ATF7IP: variants seen among roughly 807,000 people sequenced by gnomAD.
ATF7IP encodes activating transcription factor 7 interacting protein.
A neutral mutation model predicts 106.4 loss-of-function variants in ATF7IP; 23 were observed. The observed-to-expected ratio is 0.22, with a 90% CI of 0.16 to 0.31. ATF7IP has a LOEUF of 0.31. Among genes scored for constraint, ATF7IP ranks in the 10% least tolerant of loss-of-function variants. The pLI, the probability that ATF7IP is intolerant of heterozygous loss-of-function variation, is 1.00. For missense variants in ATF7IP, 1,334 were observed against 1,524.3 expected, an observed-to-expected ratio of 0.88 and a Z score of 2.08; for synonymous variants, 542 against 539.0, an observed-to-expected ratio of 1.01 and a Z score of -0.08.
At chr12:14,402,388 A>G (rs1165806172) in intron 1 of ATF7IP, among the ~76,000 whole-genome samples, 1 of 151,302 alleles carries the variant, frequency 6.6e-6, no homozygotes, top group Non-Finnish European at 1.5e-5. Flanking sequence ...CCAGCTTTCC[A>G]AAGTGTTGGG....
intron 9 of ATF7IP, among the ~76,000 whole-genome samples, chr12:14,465,844 A>G (rs553961149): frequency 6.6e-6 from 1 of 152,174 alleles, no homozygotes; most frequent in Non-Finnish European, 1.5e-5. Context: ...GAAAGAAAGG[A>G]TGGGCTGTTT....
intron 2 of ATF7IP, among the ~76,000 whole-genome samples, chr12:14,427,243 C>T (rs887354831): frequency 6.6e-6 from 1 of 151,954 alleles, no homozygotes; most frequent in Non-Finnish European, 1.5e-5. Flanking sequence ...CCACCTAAGC[C>T]CCCAGAGTAC....
chr12:14,474,389 A>G (rs1184491402), intron 10 of ATF7IP, among the ~76,000 whole-genome samples: 1 of 140,184 alleles, frequency 7.1e-6, no homozygotes, highest in African/African-American at 2.6e-5. Context: ...TTATTATTAT[A>G]TTTAATTCTT....
chr12:14,428,783 C>G (rs760680663), intron 2 of ATF7IP, among the ~76,000 whole-genome samples: 3 of 151,846 alleles, frequency 2.0e-5, no homozygotes, highest in Admixed American at 6.6e-5. Flanking sequence ...TCAGCAGCAA[C>G]AAGAAATAAT....
chr12:14,427,165 C>A (rs1941897505), intron 2 of ATF7IP, among the ~76,000 whole-genome samples: 1 of 151,982 alleles, frequency 6.6e-6, no homozygotes, highest in African/African-American at 2.4e-5. Context: ...CTCTGTTGCC[C>A]AGGCTGGAGT....
At chr12:14,473,304 G>GTGTGTGTA (rs1944131427) in intron 10 of ATF7IP, among the ~76,000 whole-genome samples, 2 of 151,282 alleles carry the variant, frequency 1.3e-5, no homozygotes, top group Non-Finnish European at 3.0e-5. Context: ...GTGTGTGTGT[G>GTGTGTGTA]TGTGTGTGTG....
chr12:14,436,035 A>G, intron 3 of ATF7IP, 71 bp from the exon 4 acceptor site: 1 of 1,459,902 alleles, frequency 6.8e-7, no homozygotes, highest in Non-Finnish European at 9.4e-7. Context: ...TATTTTGCTA[A>G]GGATGGATAA....
At chr12:14,481,430 A>T in intron 13 of ATF7IP, 1 of 526,064 alleles carries the variant, frequency 1.9e-6, no homozygotes. Flanking sequence ...CACACAAAAA[A>T]GGTAAGTATG....
intron 10 of ATF7IP, among the ~76,000 whole-genome samples, chr12:14,472,968 T>C (rs1944109390): frequency 6.6e-6 from 1 of 152,198 alleles, no homozygotes; most frequent in Non-Finnish European, 1.5e-5. Flanking sequence ...TTTTCAGCTT[T>C]TTACTTTCAA....
At chr12:14,480,510 G>A (rs1463045685) in intron 12 of ATF7IP, among the ~76,000 whole-genome samples, 1 of 152,154 alleles carries the variant, frequency 6.6e-6, no homozygotes, top group African/African-American at 2.4e-5. Flanking sequence ...TGGTCAAAGA[G>A]ATAGGTTGGC....
At chr12:14,396,318 T>C (rs1939838781) in intron 1 of ATF7IP, among the ~76,000 whole-genome samples, 1 of 152,164 alleles carries the variant, frequency 6.6e-6, no homozygotes. Context: ...GTTTGGTCAC[T>C]TATTGCTACA....
chr12:14,395,848 A>G (rs1358894688), intron 1 of ATF7IP, among the ~76,000 whole-genome samples: 2 of 151,990 alleles, frequency 1.3e-5, no homozygotes, highest in Non-Finnish European at 2.9e-5. Context: ...GTGATTTTTA[A>G]AAGTCTAAAA....
At chr12:14,414,378 T>A (rs1941084495) in intron 1 of ATF7IP, among the ~76,000 whole-genome samples, 1 of 152,228 alleles carries the variant, frequency 6.6e-6, no homozygotes, top group African/African-American at 2.4e-5. Context: ...AAGCTTGTCC[T>A]GCCGAGGGCC....
At position 14,374,712 on chromosome 12, in the gene ATF7IP, T is replaced by C. The variant is rs1176957889; in HGVS notation, c.-8+8885T>C. The stretch of plus-strand genomic sequence containing the variant: ...ATCTTAGAGCCAGAAAGGAAGGTAG[T>C]GTGTTAGGAGAACTCTTAATAGCTC... On this transcript the variant is annotated intron_variant, in intron 1 of 14. Coordinates refer to ENST00000261168, the MANE Select transcript of ATF7IP (RefSeq NM_018179.5). Among the ~76,000 whole-genome samples the C allele has an allele frequency of 3.9e-5, 6 of 152,186 alleles. No homozygotes were observed. In the South Asian group the frequency reaches 1.0e-3, roughly 26 times the overall value.
At position 14,425,346 on chromosome 12, in the gene ATF7IP, A is replaced by C. The variant is rs1941786410; in HGVS notation, c.1431A>C (p.Ser477=). 2 of 1,613,020 alleles carry C rather than the reference A, an allele frequency of 1.2e-6. No homozygotes were observed. Among genetic ancestry groups the C allele is most frequent in the Non-Finnish European group, 1.7e-6 (2 of 1,179,710 alleles). ...LEEKMESSFG[S]PSKQESSESL... ...AGAAAATGGAAAGTTCTTTTGGTTC[A>C]CCATCTAAACAAGAAAGTAGTGAGA... Residue 477 remains serine, a synonymous_variant, in exon 2 of 15, where the codon TCA becomes TCC. Coordinates refer to ENST00000261168, the MANE Select transcript of ATF7IP (RefSeq NM_018179.5).
intron 1 of ATF7IP, among the ~76,000 whole-genome samples, chr12:14,412,606 G>T (rs1013957441): frequency 6.6e-6 from 1 of 151,988 alleles, no homozygotes; most frequent in East Asian, 1.9e-4. Context: ...TCTTATTATA[G>T]TGAACTTTGT....
chr12:14,467,835 C>T (rs1469531970), intron 10 of ATF7IP, among the ~76,000 whole-genome samples: 1 of 798 alleles, frequency 1.3e-3, no homozygotes, highest in South Asian at 0.05. Flanking sequence ...AAATTTAGTT[C>T]TTCAGTCAAA....
In ATF7IP at chr12:14,366,572, A is replaced by G. The variant is rs553507470; in HGVS notation, c.-8+745A>G. Among the ~76,000 whole-genome samples the G allele has an allele frequency of 7.9e-5, 12 of 152,358 alleles. No homozygotes were observed. The East Asian group carries it at 2.3e-3, about 29-fold the overall frequency. Reference sequence around the variant, plus strand: ...TTTTGGTTTTAAATGTTTGATCCTAAGTAAATAAAGTTTTAATTTTAATCA... The same window carrying G: ...TTTTGGTTTTAAATGTTTGATCCTAGGTAAATAAAGTTTTAATTTTAATCA... On this transcript the variant is annotated intron_variant, in intron 1 of 14. Coordinates refer to ENST00000261168, the MANE Select transcript of ATF7IP (RefSeq NM_018179.5).
At chr12:14,406,550 G>T (rs930980309) in intron 1 of ATF7IP, among the ~76,000 whole-genome samples, 9 of 150,146 alleles carry the variant, frequency 6.0e-5, no homozygotes. Flanking sequence ...AAATATAATT[G>T]TGGTTAAATT....
Sources: allele counts gnomAD v4.1 joint callset (sites outside exome capture counted in the v4.1 genomes callset), GRCh38; gene constraint gnomAD v4.1.1; transcripts MANE v1.5; gene names NCBI Gene and HGNC (gene_info 2026-07-23, HGNC 2026-07-21).